FAM193A: variants seen among roughly 807,000 people sequenced by gnomAD.
FAM193A encodes protein FAM193A.
FAM193A carries 22 observed loss-of-function variants against 126.5 expected under a neutral mutation model. The observed-to-expected ratio is 0.17, with a 90% confidence interval of 0.12 to 0.25. The LOEUF is 0.25. Among genes scored for constraint, FAM193A ranks in the 10% least tolerant of loss-of-function variants. The pLI, the probability that FAM193A is intolerant of heterozygous loss-of-function variation, is 1.00. For synonymous variants in FAM193A, 761 were observed against 646.8 expected (o/e 1.18, Z -2.68); for missense variants, 1,675 against 1,672.8 (o/e 1.00, Z -0.02).
intron 20 of FAM193A, among the ~76,000 whole-genome samples, 183 bp from the exon 21 acceptor site, chr4:2,731,592 C>T (rs1340265426): frequency 6.6e-6 from 1 of 152,076 alleles, no homozygotes; most frequent in East Asian, 1.9e-4. Context: ...CTTTCCCCTT[C>T]TCAAGTGCAG....
intron 19 of FAM193A, among the ~76,000 whole-genome samples, chr4:2,711,054 A>C (rs9761799): frequency 6.7e-6 from 1 of 150,272 alleles, no homozygotes; most frequent in Non-Finnish European, 1.5e-5. Context: ...GGGTTTCACC[A>C]TGTTAGCCAG....
chr4:2,609,665 C>A (rs1741743750), intron 2 of FAM193A, among the ~76,000 whole-genome samples: 1 of 152,196 alleles, frequency 6.6e-6, no homozygotes, highest in Non-Finnish European at 1.5e-5. Context: ...CTAGGCCGAT[C>A]ACGCCTGTAA....
intron 5 of FAM193A, among the ~76,000 whole-genome samples, chr4:2,631,640 C>T (rs572047671): frequency 6.6e-6 from 1 of 152,364 alleles, no homozygotes; most frequent in South Asian, 2.1e-4. Context: ...TGCAGGCATG[C>T]ATGCACTCAG....
At chr4:2,551,976 G>T (rs1295896746) in intron 1 of FAM193A, among the ~76,000 whole-genome samples, 4 of 150,304 alleles carry the variant, frequency 2.7e-5, no homozygotes, top group African/African-American at 4.9e-5. Context: ...GAGCGGCTGG[G>T]ACTACAGGTG....
chr4:2,639,146 C>T (rs1370760199), intron 5 of FAM193A, among the ~76,000 whole-genome samples: 1 of 152,200 alleles, frequency 6.6e-6, no homozygotes, highest in Non-Finnish European at 1.5e-5. Flanking sequence ...TACATCTCTG[C>T]TGACATCACT....
intron 1 of FAM193A, among the ~76,000 whole-genome samples, chr4:2,552,773 G>A (rs1047422061): frequency 6.6e-6 from 1 of 150,918 alleles, no homozygotes; most frequent in South Asian, 2.1e-4. Flanking sequence ...TCATGACCTC[G>A]GGATCCGCCT....
Position 2,672,123 on chromosome 4 carries a change from T to C in FAM193A, c.2082T>C (p.Ala694=). The C allele has an allele frequency of 1.9e-6, 3 of 1,614,144 alleles. No homozygotes were observed. The highest frequency in any genetic ancestry group is 1.1e-5 in the South Asian group (1 of 91,078). Residue 694 remains alanine, a splice_region_variant and synonymous_variant, in exon 13 of 21, where the codon GCT becomes GCC. Coordinates refer to ENST00000637812, the MANE Select transcript of FAM193A (RefSeq NM_001366318.2). ...SPPPSYPTQQ[A]EQAPNTCECH... ...ATGTTTTTTTTCTTTCCTCTTAGGC[T>C]GAACAAGCTCCAAACACTTGTGAAT... is the stretch of plus-strand genomic sequence containing the variant.
At chr4:2,624,252 C>T (rs186628683) in intron 2 of FAM193A, among the ~76,000 whole-genome samples, 107 of 152,202 alleles carry the variant, frequency 7.0e-4, no homozygotes, top group Non-Finnish European at 1.2e-3. Context: ...TCTCGGCTCA[C>T]TGCAACCTCA....
intron 2 of FAM193A, among the ~76,000 whole-genome samples, chr4:2,609,094 G>A (rs373615565): frequency 4.6e-5 from 7 of 151,716 alleles, no homozygotes; most frequent in African/African-American, 1.5e-4. Context: ...GGGTTTCATC[G>A]TGTTAGCCAG....
chr4:2,601,525 A>G (rs1055505165), intron 2 of FAM193A, among the ~76,000 whole-genome samples: 2 of 151,876 alleles, frequency 1.3e-5, no homozygotes, highest in Non-Finnish European at 2.9e-5. Flanking sequence ...CTGAGCCACC[A>G]TACCCGGCTA....
chr4:2,649,697 G>A (rs770899706), intron 7 of FAM193A, among the ~76,000 whole-genome samples: 12 of 152,142 alleles, frequency 7.9e-5, no homozygotes, highest in Non-Finnish European at 1.5e-4. Context: ...TATAGGCATA[G>A]GGACAGTAAA....
At chr4:2,711,172 ACTTT>A (rs1718927887) in intron 19 of FAM193A, among the ~76,000 whole-genome samples, 1 of 151,148 alleles carries the variant, frequency 6.6e-6, no homozygotes, top group South Asian at 2.1e-4. Context: ...CTTTTGTTTT[ACTTT>A]CTTGGGGTTT....
intron 1 of FAM193A, among the ~76,000 whole-genome samples, chr4:2,553,421 G>A (rs1331536470): frequency 3.7e-5 from 5 of 133,766 alleles, no homozygotes; most frequent in African/African-American, 1.1e-4. Context: ...TCACACTGTC[G>A]CCAGGTTAGA....
intron 19 of FAM193A, among the ~76,000 whole-genome samples, chr4:2,700,879 C>T (rs1442939147): frequency 2.0e-5 from 3 of 152,082 alleles, no homozygotes; most frequent in Non-Finnish European, 4.4e-5. Context: ...GCAGGAGAAT[C>T]GCTTGAACCC....
chr4:2,687,219 C>T (rs1380867378), intron 13 of FAM193A, among the ~76,000 whole-genome samples: 1 of 152,114 alleles, frequency 6.6e-6, no homozygotes, highest in East Asian at 1.9e-4. Flanking sequence ...GTCGGTTGGT[C>T]AGGTGTTTTG....
intron 1 of FAM193A, among the ~76,000 whole-genome samples, chr4:2,541,533 C>T (rs540672367): frequency 6.6e-6 from 1 of 150,992 alleles, no homozygotes; most frequent in South Asian, 2.1e-4. Flanking sequence ...GCAACCTCCA[C>T]CTCCTGGGTT....
At chr4:2,690,500 G>A (rs1486987974) in intron 14 of FAM193A, among the ~76,000 whole-genome samples, 198 bp from the exon 15 acceptor site, 1 of 152,224 alleles carries the variant, frequency 6.6e-6, no homozygotes, top group African/African-American at 2.4e-5. Flanking sequence ...AAAGCACCTA[G>A]CACAGGAATT....
intron 3 of FAM193A, 131 bp from the exon 4 acceptor site, chr4:2,626,279 G>A: frequency 1.6e-6 from 1 of 623,662 alleles, no homozygotes. Context: ...TGCACTGACA[G>A]CAGCCTGATT....
chr4:2,607,199 C>CAA (rs1259236241), intron 2 of FAM193A, among the ~76,000 whole-genome samples: 1 of 152,128 alleles, frequency 6.6e-6, no homozygotes, highest in Non-Finnish European at 1.5e-5. Context: ...GAGATTTATG[C>CAA]AAAATAATTA....
Sources: gnomAD v4.1 joint callset for allele counts (sites outside exome capture counted in the v4.1 genomes callset) on GRCh38, gnomAD v4.1.1 for gene constraint, MANE v1.5 for transcripts, NCBI Gene and HGNC (gene_info 2026-07-23, HGNC 2026-07-21) for gene names.